R3HDM2: variants seen among roughly 807,000 people sequenced by gnomAD.
The protein encoded by R3HDM2 is R3H domain containing 2, also known as R3H domain-containing protein 2.
R3HDM2 carries 38 observed loss-of-function variants against 124.5 expected under a neutral mutation model. That is an observed-to-expected ratio of 0.31 (90% CI 0.24 to 0.40). The LOEUF (loss-of-function observed/expected upper bound fraction) is 0.40. Ranked by LOEUF, R3HDM2 falls within the 10% of genes least tolerant of loss-of-function variation. The probability of loss-of-function intolerance (pLI) is 1.00; values close to 1 mark genes in which losing one functional copy is unlikely to be tolerated. For synonymous variants in R3HDM2, 391 were observed against 448.0 expected, an observed-to-expected ratio of 0.87 and a Z score of 1.61; for missense variants, 869 against 1,236.9, an observed-to-expected ratio of 0.70 and a Z score of 4.46.
At chr12:57,372,078 G>T (rs1409553161) in intron 2 of R3HDM2, among the ~76,000 whole-genome samples, 3 of 152,140 alleles carry the variant, frequency 2.0e-5, no homozygotes, top group African/African-American at 7.2e-5. Flanking sequence ...CATTGGTCAG[G>T]CTGGTCTTGA....
intron 1 of R3HDM2, among the ~76,000 whole-genome samples, chr12:57,422,849 T>C (rs1246498270): frequency 6.6e-6 from 1 of 152,026 alleles, no homozygotes; most frequent in Admixed American, 6.6e-5. Flanking sequence ...CTGGATGTGA[T>C]GGTGTGTACC....
At position 57,425,361 on chromosome 12, in the gene R3HDM2, C is replaced by T. The variant is rs540182034; in HGVS notation, c.-106+5359G>A. Among the ~76,000 whole-genome samples, 5 of 152,218 alleles carry T rather than the reference C, an allele frequency of 3.3e-5. No homozygotes were observed. The South Asian group carries it at 8.3e-4, about 25-fold the overall frequency. On this transcript the variant is annotated intron_variant, in intron 1 of 23. Coordinates refer to ENST00000402412, the MANE Select transcript of R3HDM2 (RefSeq NM_001394031.1). ...TTTCTTTATACTAATAATATCAGAA[C>T]TATGTCCAGACAAATGCATAGCAGA...
In R3HDM2 at chr12:57,300,187, A is replaced by G; in HGVS notation, c.208-6T>C. The G allele has an allele frequency of 6.5e-7, 1 of 1,548,914 alleles. No individual in the cohort carries two copies. Among genetic ancestry groups the G allele is most frequent in the Non-Finnish European group, 8.7e-7 (1 of 1,144,746 alleles). On this transcript the variant is annotated splice_region_variant and splice_polypyrimidine_tract_variant and intron_variant, in intron 4 of 23. Transcript: ENST00000402412. ...AACTTTAGCTTGGAATTAGACTGAA[A>G]AAAACAAAAAACAATTTTCAATTTT...
intron 2 of R3HDM2, among the ~76,000 whole-genome samples, chr12:57,388,961 C>T (rs2066280782): frequency 6.6e-6 from 1 of 152,130 alleles, no homozygotes; most frequent in South Asian, 2.1e-4. Flanking sequence ...GCATTAACTC[C>T]AAAATCTGAT....
Position 57,304,913 on chromosome 12 carries a change from G to A in R3HDM2, c.166-1696C>T, listed in dbSNP as rs141859531. Among the ~76,000 whole-genome samples the A allele has an allele frequency of 5.9e-5, 9 of 152,196 alleles. No individual in the cohort carries two copies. The East Asian group carries it at 1.4e-3, about 23-fold the overall frequency. ...AAAACCAAATATATTGGCTGGGGGCGGTGGCTCATGCCTGTAATCCCAGCA... is the reference window on the plus strand; with the variant it reads ...AAAACCAAATATATTGGCTGGGGGCAGTGGCTCATGCCTGTAATCCCAGCA... On this transcript the variant is annotated intron_variant, in intron 3 of 23. Coordinates refer to ENST00000402412, the MANE Select transcript of R3HDM2 (RefSeq NM_001394031.1).
chr12:57,262,180 T>G (rs1173829855), intron 19 of R3HDM2, among the ~76,000 whole-genome samples: 1 of 152,200 alleles, frequency 6.6e-6, no homozygotes, highest in Non-Finnish European at 1.5e-5. Flanking sequence ...AATATCTTGG[T>G]ATTTTTCCTT....
At chr12:57,402,337 G>A (rs1173895612) in intron 1 of R3HDM2, among the ~76,000 whole-genome samples, 1 of 151,672 alleles carries the variant, frequency 6.6e-6, no homozygotes, top group Non-Finnish European at 1.5e-5. Flanking sequence ...TACTCTGCAT[G>A]CATAAACAAA....
chr12:57,377,504 C>CA (rs1021431573), intron 2 of R3HDM2, among the ~76,000 whole-genome samples: 1 of 152,010 alleles, frequency 6.6e-6, no homozygotes, highest in Non-Finnish European at 1.5e-5. Context: ...TTCCTTCCAC[C>CA]AATCACCTAG....
intron 1 of R3HDM2, among the ~76,000 whole-genome samples, chr12:57,424,000 G>C (rs922722326): frequency 1.4e-5 from 2 of 146,864 alleles, no homozygotes; most frequent in African/African-American, 2.5e-5. Flanking sequence ...TGTAATCCCA[G>C]CTACTTGGGA....
chr12:57,363,608 T>A (rs957303086), intron 2 of R3HDM2, among the ~76,000 whole-genome samples: 49 of 152,166 alleles, frequency 3.2e-4, no homozygotes, highest in African/African-American at 1.1e-3. Context: ...ATAATAAAAT[T>A]TGAGATGGAT....
intron 1 of R3HDM2, among the ~76,000 whole-genome samples, chr12:57,410,734 T>A (rs925139959): frequency 3.3e-5 from 5 of 152,170 alleles, no homozygotes; most frequent in Non-Finnish European, 7.4e-5. Context: ...GTGCCTGTAG[T>A]CTCAGCTATG....
intron 2 of R3HDM2, among the ~76,000 whole-genome samples, chr12:57,329,950 T>A (rs1033532734): frequency 2.0e-5 from 3 of 152,172 alleles, no homozygotes; most frequent in African/African-American, 7.2e-5. Flanking sequence ...ATTGTTTTCA[T>A]AATTTCCTTC....
rs1428239358 is a variant in R3HDM2, at chr12:57,286,048, A to AT, written c.939-1993dup. Among the ~76,000 whole-genome samples the AT allele has an allele frequency of 2.6e-5, 4 of 152,156 alleles. No homozygotes were observed. The East Asian group carries it at 7.7e-4, about 29-fold the overall frequency. On this transcript the variant is annotated intron_variant, in intron 12 of 23. Coordinates refer to ENST00000402412, the MANE Select transcript of R3HDM2 (RefSeq NM_001394031.1). ...TTGAGTCTTGGCAGGAAAAAGATCA[A>AT]TTTTCCCTCTCTACAAATAAAAATA...
intron 1 of R3HDM2, among the ~76,000 whole-genome samples, chr12:57,403,217 G>T (rs980941760): frequency 1.3e-5 from 2 of 152,168 alleles, no homozygotes; most frequent in African/African-American, 2.4e-5. Flanking sequence ...AATTTGCCGG[G>T]TGCTGGTGGC....
chr12:57,423,885 C>T (rs2070448265), intron 1 of R3HDM2, among the ~76,000 whole-genome samples: 2 of 145,976 alleles, frequency 1.4e-5, no homozygotes, highest in South Asian at 4.3e-4. Context: ...GAGGCTGAGG[C>T]GGGAAGATCA....
chr12:57,310,236 G>C (rs977112192), intron 3 of R3HDM2, 28 bp downstream of exon 3: 108 of 1,442,348 alleles, frequency 7.5e-5, no homozygotes, highest in Non-Finnish European at 9.4e-5. Context: ...AAAAAAAAGT[G>C]TGCATACAAT....
At position 57,259,027 on chromosome 12, in the gene R3HDM2, T is replaced by C. The variant is rs768481708; in HGVS notation, c.2164A>G (p.Met722Val). Reference protein sequence around the residue: ...VSPSGPGVVVMQLNVPNGPQP... With the variant: ...VSPSGPGVVVVQLNVPNGPQP... ...GGTCCATTAGGGACATTCAGCTGCA[T>C]GACCACTACACCTGGTCCAGAAGGT... is the stretch of plus-strand genomic sequence containing the variant. Residue 722 changes from methionine (M) to valine (V), a missense_variant, in exon 20 of 24, where the codon ATG becomes GTG. Physicochemically the swap from Met to Val is conservative, Grantham distance 21. Transcript: ENST00000402412. 4 of 1,613,208 alleles carry C rather than the reference T, an allele frequency of 2.5e-6. No individual in the cohort carries two copies. The highest frequency in any genetic ancestry group is 3.4e-6 in the Non-Finnish European group (4 of 1,179,848).
chr12:57,330,491 G>C (rs4760357), intron 2 of R3HDM2, among the ~76,000 whole-genome samples: 67,351 of 149,158 alleles, frequency 0.45, 15,568 homozygotes, highest in South Asian at 0.53. Context: ...TTACAGGCAC[G>C]CACCACCACG....
At position 57,304,303 on chromosome 12, in the gene R3HDM2, TA is replaced by T. The variant is rs143261867; in HGVS notation, c.166-1087del. On this transcript the variant is annotated intron_variant, in intron 3 of 23. Coordinates refer to ENST00000402412, the MANE Select transcript of R3HDM2 (RefSeq NM_001394031.1). ...AAGAACAGCCAATTAATAAGATTTG[TA>T]AACATCTGAGAAGTCAAAATGGGGG... is the stretch of plus-strand genomic sequence containing the variant. Among the ~76,000 whole-genome samples the T allele has an allele frequency of 2.1e-3, 314 of 152,288 alleles. 1 individual carries two copies. The highest frequency in any genetic ancestry group is 7.3e-3 in the African/African-American group (303 of 41,554).
Sources: gnomAD v4.1 joint callset for allele counts (sites outside exome capture counted in the v4.1 genomes callset) on GRCh38, gnomAD v4.1.1 for gene constraint, MANE v1.5 for transcripts, NCBI Gene and HGNC (gene_info 2026-07-23, HGNC 2026-07-21) for gene names.